Variants in EYS observed in about 807,000 individuals in gnomAD.
EYS encodes EGF-like photoreceptor maintenance factor, also known as protein eyes shut homolog.
In EYS, 250 loss-of-function variants were observed where a neutral mutation model predicts 282.1. The observed-to-expected ratio is 0.89, with a 90% confidence interval of 0.80 to 0.98. The LOEUF (loss-of-function observed/expected upper bound fraction) is 0.98, where lower values mean the gene tolerates loss of function less well. Ranked by LOEUF, EYS falls within the 50% of genes least tolerant of loss-of-function variation. EYS has a pLI of 0.00. For synonymous variants in EYS, 1,355 were observed against 1,282.9 expected (o/e 1.06, Z -1.20); for missense variants, 4,016 against 3,709.0 (o/e 1.08, Z -2.15).
intron 1 of EYS, among the ~76,000 whole-genome samples, chr6:65,648,314 A>ATATATGTGTGTGTGTG (rs373479571): frequency 6.8e-6 from 1 of 147,792 alleles, no homozygotes; most frequent in Non-Finnish European, 1.5e-5. Flanking sequence ...AAGAAAATAT[A>ATATATGTGTGTGTGTG]TGTGTGTGTG....
At chr6:64,134,898 C>T (rs934395935) in intron 31 of EYS, among the ~76,000 whole-genome samples, 1 of 152,052 alleles carries the variant, frequency 6.6e-6, no homozygotes, top group Non-Finnish European at 1.5e-5. Context: ...TGGGCATATG[C>T]TAGGTGCTAT....
At position 63,726,514 on chromosome 6, in the gene EYS, C is replaced by T. The variant is rs1768621728; in HGVS notation, c.8233+5G>A. ...TTCTGCAAACAAACAGCCTGCCAAT[C>T]TTACCTGATTGGGCTTTTAAGTGTT... On this transcript the variant is annotated splice_donor_5th_base_variant and intron_variant, in intron 42 of 42. Transcript: ENST00000503581. 1.3e-6 allele frequency: 2 copies of T among 1,547,268 alleles called. No individual in the cohort carries two copies. The highest frequency in any genetic ancestry group is 1.4e-5 in the African/African-American group (1 of 72,828).
At chr6:63,786,895 T>TTA (rs1488441949) in intron 39 of EYS, among the ~76,000 whole-genome samples, 3 of 152,120 alleles carry the variant, frequency 2.0e-5, no homozygotes, top group Non-Finnish European at 4.4e-5. Context: ...AACCATGGAT[T>TTA]TATGGTACAG....
chr6:64,552,771 T>G (rs1765123449), intron 26 of EYS, among the ~76,000 whole-genome samples: 1 of 143,878 alleles, frequency 7.0e-6, no homozygotes, highest in South Asian at 2.3e-4. Context: ...ATAAAAAAAT[T>G]AGCCAGGCAT....
In EYS at chr6:63,721,153, T is replaced by C; in HGVS notation, c.8878A>G (p.Met2960Val). ...ATGTATTTAATGTAAGAATTACCCATAAATTTTGCAGTTGAAAATGAAGTT... is the reference window on the plus strand; with the variant it reads ...ATGTATTTAATGTAAGAATTACCCACAAATTTTGCAGTTGAAAATGAAGTT... The part of the protein sequence containing the change: ...NKTSFSTAKF[M>V]GNSYIKYIDP... The change falls in exon 43 of 43, where the codon ATG becomes GTG. Residue 2960 changes from methionine (M) to valine (V), a missense_variant. Transcript: ENST00000503581. 6.4e-7 allele frequency: 1 copy of C among 1,551,624 alleles called. No individual in the cohort carries two copies. Among genetic ancestry groups the C allele is most frequent in the East Asian group, 2.4e-5 (1 of 40,918 alleles).
At chr6:63,931,353 G>A (rs1350681989) in intron 35 of EYS, among the ~76,000 whole-genome samples, 1 of 152,080 alleles carries the variant, frequency 6.6e-6, no homozygotes, top group East Asian at 1.9e-4. Flanking sequence ...GCTACCTATA[G>A]CTTCTTCCTC....
At chr6:65,339,165 A>T (rs1397486259) in intron 10 of EYS, among the ~76,000 whole-genome samples, 2 of 151,202 alleles carry the variant, frequency 1.3e-5, no homozygotes, top group African/African-American at 2.4e-5. Context: ...AGAAAGCTGG[A>T]TCCTTAAAAT....
chr6:65,345,164 C>A (rs1480893245), intron 9 of EYS, among the ~76,000 whole-genome samples: 1 of 151,584 alleles, frequency 6.6e-6, no homozygotes, highest in Non-Finnish European at 1.5e-5. Context: ...GAGCTAGGAA[C>A]CAAGCACAAT....
intron 5 of EYS, among the ~76,000 whole-genome samples, chr6:65,430,915 T>C (rs1182112503): frequency 6.6e-6 from 1 of 152,140 alleles, no homozygotes; most frequent in Non-Finnish European, 1.5e-5. Flanking sequence ...TGGGTGAGCC[T>C]CTGAGACTTG....
At chr6:64,875,518 C>T (rs9294628) in intron 19 of EYS, among the ~76,000 whole-genome samples, 23,467 of 151,914 alleles carry the variant, frequency 0.15, 2,134 homozygotes, top group East Asian at 0.49. Context: ...AATGAAAGTT[C>T]CCTATGTAAA....
intron 8 of EYS, among the ~76,000 whole-genome samples, chr6:65,374,896 A>G (rs893332691): frequency 6.6e-6 from 1 of 152,122 alleles, no homozygotes; most frequent in Non-Finnish European, 1.5e-5. Flanking sequence ...GGGATTATAA[A>G]TAAAACTCCC....
chr6:64,218,678 C>T lies in EYS; in HGVS notation c.6424+11914G>A, dbSNP rs866913140. Reference sequence around the variant, plus strand: ...TTTAAGTAATGTCTAGCCTTGTTTGCCTTTGACATTCTACAATTAGGAAGC... The same window carrying T: ...TTTAAGTAATGTCTAGCCTTGTTTGTCTTTGACATTCTACAATTAGGAAGC... On this transcript the variant is annotated intron_variant, in intron 31 of 42. Transcript: ENST00000503581. Among the ~76,000 whole-genome samples the T allele has an allele frequency of 5.9e-5, 9 of 152,134 alleles. No homozygotes were observed. The South Asian group carries it at 8.3e-4, about 14-fold the overall frequency.
chr6:64,958,593 G>A (rs1769800852), intron 14 of EYS, among the ~76,000 whole-genome samples: 1 of 151,108 alleles, frequency 6.6e-6, no homozygotes, highest in Non-Finnish European at 1.5e-5. Flanking sequence ...AAATTAGCCG[G>A]GCGCAGTGGC....
At chr6:64,731,832 A>G (rs1253435030) in intron 22 of EYS, among the ~76,000 whole-genome samples, 1 of 152,214 alleles carries the variant, frequency 6.6e-6, no homozygotes, top group Non-Finnish European at 1.5e-5. Flanking sequence ...AAGGATTATA[A>G]ATCATTATAC....
intron 28 of EYS, among the ~76,000 whole-genome samples, chr6:64,411,410 A>G (rs1453944996): frequency 1.3e-5 from 2 of 152,178 alleles, no homozygotes; most frequent in African/African-American, 4.8e-5. Context: ...ATGACTCAGA[A>G]GTAAGTTGGC....
chr6:64,804,704 G>A (rs79115781), intron 22 of EYS, among the ~76,000 whole-genome samples: 6,739 of 152,098 alleles, frequency 0.044, 170 homozygotes, highest in East Asian at 0.069. Flanking sequence ...GTTTTAAACC[G>A]TAGAAAATTA....
chr6:64,365,961 T>C (rs1005980049), intron 29 of EYS, among the ~76,000 whole-genome samples: 16 of 152,070 alleles, frequency 1.1e-4, no homozygotes, highest in African/African-American at 3.6e-4. Context: ...ATATTGTTTG[T>C]AATTTGAAAA....
chr6:64,568,428 A>G (rs1180649815), intron 26 of EYS, among the ~76,000 whole-genome samples: 2 of 152,200 alleles, frequency 1.3e-5, no homozygotes, highest in African/African-American at 2.4e-5. Flanking sequence ...ATAGTTTAAA[A>G]TACAGCTTCT....
intron 26 of EYS, among the ~76,000 whole-genome samples, chr6:64,482,638 A>G (rs1397420674): frequency 6.6e-6 from 1 of 151,724 alleles, no homozygotes; most frequent in Admixed American, 6.6e-5. Context: ...GTAATGTAGA[A>G]CGATTATTGT....
Sources: allele counts gnomAD v4.1 joint callset (sites outside exome capture counted in the v4.1 genomes callset), GRCh38; gene constraint gnomAD v4.1.1; transcripts MANE v1.5; gene names NCBI Gene and HGNC (gene_info 2026-07-23, HGNC 2026-07-21).